Variants in FGFR2 observed in about 807,000 individuals in gnomAD.
FGFR2 encodes BEK fibroblast growth factor receptor.
A neutral mutation model predicts 95.9 loss-of-function variants in FGFR2; 19 were observed. The observed-to-expected ratio is 0.20, with a 90% CI of 0.14 to 0.29. The LOEUF (loss-of-function observed/expected upper bound fraction) is 0.29. Ranked by LOEUF, FGFR2 falls within the 10% of genes least tolerant of loss-of-function variation. The pLI, the probability that FGFR2 is intolerant of heterozygous loss-of-function variation, is 1.00. For missense variants in FGFR2, 707 were observed against 1,056.9 expected, an observed-to-expected ratio of 0.67 and a Z score of 4.59; for synonymous variants, 392 against 393.3, an observed-to-expected ratio of 1.00 and a Z score of 0.04.
intron 3 of FGFR2, among the ~76,000 whole-genome samples, chr10:121,565,060 C>T (rs1333994768): frequency 6.6e-6 from 1 of 151,868 alleles, no homozygotes; most frequent in Non-Finnish European, 1.5e-5. Flanking sequence ...TGTTCTGTCC[C>T]GCTCACTGCA....
intron 5 of FGFR2, among the ~76,000 whole-genome samples, chr10:121,547,045 T>C (rs1854622608): frequency 6.6e-6 from 1 of 152,008 alleles, no homozygotes; most frequent in African/African-American, 2.4e-5. Context: ...ACCAACATGG[T>C]GAAACCCCAT....
chr10:121,495,431 G>A (rs1846663554), intron 13 of FGFR2, among the ~76,000 whole-genome samples: 1 of 152,178 alleles, frequency 6.6e-6, no homozygotes, highest in Non-Finnish European at 1.5e-5. Flanking sequence ...AGGAGGTTGA[G>A]GTGGGAGGCT....
chr10:121,575,406 C>G lies in FGFR2; in HGVS notation c.110-9702G>C, dbSNP rs1053322119. Among the ~76,000 whole-genome samples, 4 of 152,246 alleles carry G rather than the reference C, an allele frequency of 2.6e-5. 1 individual carries two copies. The highest frequency in any genetic ancestry group is 2.4e-5 in the African/African-American group (1 of 41,552). ...ACAGTGTTCTCCAAAAAAAGATGCA[C>G]AGAGGGAAGGTTTTCTCTCTGGTCC... On this transcript the variant is annotated intron_variant, in intron 2 of 17. Coordinates refer to ENST00000358487, the MANE Select transcript of FGFR2 (RefSeq NM_000141.5).
In FGFR2 at chr10:121,478,522, A is replaced by G. The variant is rs1325466333; in HGVS notation, c.*1335T>C. 1.3e-5 allele frequency: 3 copies of G among 233,302 alleles called. No homozygotes were observed. Among genetic ancestry groups the G allele is most frequent in the South Asian group, 3.6e-4 (2 of 5,530 alleles). The allele number at this position is 233,302 out of a possible 1,614,324, so 14.5% of individuals were successfully genotyped here. On this transcript the variant is annotated 3_prime_UTR_variant, in exon 18 of 18. Transcript: ENST00000358487. ...AAAGTGAGTGGGTGTTTCCAAAGCA[A>G]AACACAATACTTTAGTACAGAAGGA...
chr10:121,577,789 C>G (rs769579109), intron 2 of FGFR2, among the ~76,000 whole-genome samples: 37 of 152,128 alleles, frequency 2.4e-4, no homozygotes, highest in South Asian at 1.9e-3. Context: ...TTCCACCTGC[C>G]CGGGGGGAGG....
At chr10:121,555,217 G>C (rs188690913) in intron 4 of FGFR2, among the ~76,000 whole-genome samples, 1 of 152,040 alleles carries the variant, frequency 6.6e-6, no homozygotes, top group Non-Finnish European at 1.5e-5. Context: ...CACTAAAAAT[G>C]CAAAAATTAG....
At chr10:121,516,850 G>C (rs1849758783) in intron 8 of FGFR2, among the ~76,000 whole-genome samples, 1 of 152,166 alleles carries the variant, frequency 6.6e-6, no homozygotes, top group Non-Finnish European at 1.5e-5. Context: ...CTGTGCATCT[G>C]ACATTCAGAG....
At chr10:121,481,323 AG>A (rs879337560) in intron 17 of FGFR2, among the ~76,000 whole-genome samples, 1 of 152,156 alleles carries the variant, frequency 6.6e-6, no homozygotes, top group Admixed American at 6.5e-5. Context: ...TGCAGACCAC[AG>A]CACAAACAGC....
chr10:121,517,216 G>A lies in FGFR2; in HGVS notation c.1084+103C>T, dbSNP rs763634231. 20 of 1,273,208 alleles carry A rather than the reference G, an allele frequency of 1.6e-5. No individual in the cohort carries two copies. Among genetic ancestry groups the A allele is most frequent in the Admixed American group, 6.8e-5 (4 of 58,424 alleles). 78.9% of individuals were successfully genotyped at this position (1,273,208 alleles called of 1,614,324 possible). ...TTTTTAACATTTTTTATATCTTTAT[G>A]CAAGGATAAAAGGGGCCATTTCTGA... On this transcript the variant is annotated intron_variant, in intron 8 of 17. Coordinates refer to ENST00000358487, the MANE Select transcript of FGFR2 (RefSeq NM_000141.5). This position sits in a 1 kb window ranked among gnomAD's most constrained non-coding sequence, Gnocchi z 4.7.
chr10:121,487,840 T>G, intron 14 of FGFR2, 151 bp downstream of exon 14: 1 of 946,694 alleles, frequency 1.1e-6, no homozygotes. Flanking sequence ...TATTGAGAGT[T>G]TGTGAATAGT....
At chr10:121,503,101 C>T (rs1249322691) in intron 10 of FGFR2, among the ~76,000 whole-genome samples, 2 of 152,326 alleles carry the variant, frequency 1.3e-5, no homozygotes, top group East Asian at 1.9e-4. Flanking sequence ...GTGCCTCACC[C>T]GAGGTTGCCC....
At chr10:121,492,316 C>A (rs1846239552) in intron 13 of FGFR2, among the ~76,000 whole-genome samples, 1 of 151,960 alleles carries the variant, frequency 6.6e-6, no homozygotes, top group Admixed American at 6.6e-5. Context: ...GCTCAAATAC[C>A]CTATTACCTA....
In FGFR2 at chr10:121,532,837, C is replaced by T. The variant is rs1029195986; in HGVS notation, c.748+5755G>A. ...TGAACACACACCTGAGGGGGGACTT[C>T]GCTCTGGTACGGATTCCTGTGCGCT... On this transcript the variant is annotated intron_variant, in intron 6 of 17. Transcript: ENST00000358487. Among the ~76,000 whole-genome samples, 57 of 152,326 alleles carry T rather than the reference C, an allele frequency of 3.7e-4. 1 individual carries two copies. Among genetic ancestry groups the T allele is most frequent in the Non-Finnish European group, 1.6e-4 (11 of 68,038 alleles).
At chr10:121,550,773 C>A (rs1855274347) in intron 5 of FGFR2, among the ~76,000 whole-genome samples, 1 of 152,150 alleles carries the variant, frequency 6.6e-6, no homozygotes, top group Non-Finnish European at 1.5e-5. Context: ...TGAAGAACAA[C>A]ACAAACGGGA....
chr10:121,488,448 C>T (rs986367540), intron 13 of FGFR2, among the ~76,000 whole-genome samples: 5 of 144,356 alleles, frequency 3.5e-5, no homozygotes, highest in Admixed American at 7.4e-5. Flanking sequence ...GGCTGAGGCA[C>T]AAGAATCACT....
intron 2 of FGFR2, among the ~76,000 whole-genome samples, chr10:121,575,621 G>A (rs974778425): frequency 5.3e-5 from 8 of 151,686 alleles, no homozygotes; most frequent in South Asian, 2.1e-4. Flanking sequence ...TTGGCAGGCC[G>A]AGGCGGGTGG....
chr10:121,554,816 G>GT (rs1855899961), intron 4 of FGFR2, among the ~76,000 whole-genome samples: 2 of 152,076 alleles, frequency 1.3e-5, no homozygotes, highest in African/African-American at 4.8e-5. Flanking sequence ...TCCTCTGTAT[G>GT]TTTTTGCAGT....
chr10:121,571,846 G>A (rs184384505), intron 2 of FGFR2, among the ~76,000 whole-genome samples: 1 of 151,932 alleles, frequency 6.6e-6, no homozygotes, highest in Admixed American at 6.5e-5. Context: ...GGGAGGCTGA[G>A]GCAGGAGAAT....
At chr10:121,590,910 T>C (rs1484018937) in intron 2 of FGFR2, among the ~76,000 whole-genome samples, 2 of 152,224 alleles carry the variant, frequency 1.3e-5, no homozygotes, top group African/African-American at 2.4e-5. Flanking sequence ...AACTTACTGC[T>C]AACCAAAGCT....
Sources: allele counts gnomAD v4.1 joint callset (sites outside exome capture counted in the v4.1 genomes callset), GRCh38; gene constraint gnomAD v4.1.1; non-coding constraint Gnocchi (gnomAD v3.1); transcripts MANE v1.5; gene names NCBI Gene and HGNC (gene_info 2026-07-23, HGNC 2026-07-21).